CEMIP: variants seen among roughly 807,000 people sequenced by gnomAD.
The protein encoded by CEMIP is cell migration inducing hyaluronidase 1.
CEMIP carries 105 observed loss-of-function variants against 156.9 expected under a neutral mutation model. That is an observed-to-expected ratio of 0.67 (90% CI 0.57 to 0.79). The LOEUF (loss-of-function observed/expected upper bound fraction) is 0.79. Among genes scored for constraint, CEMIP ranks in the 30% least tolerant of loss-of-function variants. The probability of loss-of-function intolerance (pLI) is 0.00; values close to 1 mark genes in which losing one functional copy is unlikely to be tolerated. For synonymous variants in CEMIP, 676 were observed against 668.4 expected (o/e 1.01, Z -0.17); for missense variants, 1,457 against 1,769.4 (o/e 0.82, Z 3.17).
chr15:80,927,487 C>T (rs189186513), intron 19 of CEMIP, among the ~76,000 whole-genome samples: 20 of 152,248 alleles, frequency 1.3e-4, no homozygotes, highest in Admixed American at 3.9e-4. Flanking sequence ...ATCCTAAGTT[C>T]GGTAAATCTC....
At chr15:80,885,850 A>G (rs549058499) in intron 7 of CEMIP, among the ~76,000 whole-genome samples, 2 of 152,340 alleles carry the variant, frequency 1.3e-5, no homozygotes, top group Non-Finnish European at 2.9e-5. Context: ...GAGCCACTGG[A>G]AAGGTGGGCA....
chr15:80,848,195 G>A (rs1897610198), intron 1 of CEMIP, among the ~76,000 whole-genome samples: 1 of 152,186 alleles, frequency 6.6e-6, no homozygotes, highest in African/African-American at 2.4e-5. Flanking sequence ...AAGGGCTGAG[G>A]TAGCGTATTC....
rs1376032460 is a variant in CEMIP, at chr15:80,906,439, T to A, written c.1412-224T>A. Among the ~76,000 whole-genome samples, 1 of 152,246 alleles carries A rather than the reference T, an allele frequency of 6.6e-6. No homozygotes were observed. Among genetic ancestry groups the A allele is most frequent in the Non-Finnish European group, 1.5e-5 (1 of 68,038 alleles). ...ATATTAGGGGACAATTAGCCATTTCTGCCAAAGGCTTCAGACCTAAGCCTG... is the reference window on the plus strand; with the variant it reads ...ATATTAGGGGACAATTAGCCATTTCAGCCAAAGGCTTCAGACCTAAGCCTG... On this transcript the variant is annotated intron_variant, in intron 12 of 29. Coordinates refer to ENST00000394685, the MANE Select transcript of CEMIP (RefSeq NM_001293298.2). This position sits in a 1 kb window ranked among gnomAD's most constrained non-coding sequence, Gnocchi z 4.3.
At chr15:80,794,663 A>G (rs1259173215) in intron 1 of CEMIP, among the ~76,000 whole-genome samples, 1 of 152,228 alleles carries the variant, frequency 6.6e-6, no homozygotes, top group Non-Finnish European at 1.5e-5. Flanking sequence ...AAATCTTCAA[A>G]ATTGGTATGT....
At chr15:80,858,189 A>G (rs1176858832) in intron 1 of CEMIP, among the ~76,000 whole-genome samples, 2 of 152,140 alleles carry the variant, frequency 1.3e-5, no homozygotes, top group East Asian at 3.8e-4. Context: ...GGATTGGGAT[A>G]AGGTGGGGAG....
At position 80,925,590 on chromosome 15, in the gene CEMIP, C is replaced by T. The variant is rs201489588; in HGVS notation, c.2289-34C>T. 4.9e-5 allele frequency: 79 copies of T among 1,607,996 alleles called. No individual in the cohort carries two copies. The African/African-American group carries it at 6.3e-4, about 13-fold the overall frequency. ...GTCAGCAGAGGCGTGCCCCCAACAC[C>T]GCCACCTGTGCCCTCCCCATGGTTG... On this transcript the variant is annotated intron_variant, in intron 18 of 29. Coordinates refer to ENST00000394685, the MANE Select transcript of CEMIP (RefSeq NM_001293298.2).
At chr15:80,830,590 G>A (rs1383609341) in intron 1 of CEMIP, among the ~76,000 whole-genome samples, 1 of 152,212 alleles carries the variant, frequency 6.6e-6, no homozygotes, top group Non-Finnish European at 1.5e-5. Flanking sequence ...GCACCTTGGA[G>A]TTGCCGGGGG....
chr15:80,936,517 C>CTTATTTGGCCTT (rs1456067866), intron 23 of CEMIP, among the ~76,000 whole-genome samples, 157 bp from the exon 24 acceptor site: 1 of 152,192 alleles, frequency 6.6e-6, no homozygotes, highest in Non-Finnish European at 1.5e-5. Flanking sequence ...GAGATGTCCC[C>CTTATTTGGCCTT]TTATTTGGCC....
intron 1 of CEMIP, among the ~76,000 whole-genome samples, chr15:80,860,453 A>G (rs1897958019): frequency 6.6e-6 from 1 of 152,248 alleles, no homozygotes; most frequent in South Asian, 2.1e-4. Flanking sequence ...GCCTGGAGGC[A>G]TCACTCCAAA....
intron 14 of CEMIP, among the ~76,000 whole-genome samples, chr15:80,918,718 C>T (rs144528880): frequency 6.6e-6 from 1 of 152,220 alleles, no homozygotes; most frequent in Non-Finnish European, 1.5e-5. Flanking sequence ...TTTTTCTCAC[C>T]ATTGCCCCAC....
intron 23 of CEMIP, among the ~76,000 whole-genome samples, chr15:80,936,441 T>C (rs1370715243): frequency 6.6e-6 from 1 of 152,222 alleles, no homozygotes; most frequent in Non-Finnish European, 1.5e-5. Flanking sequence ...AGCACTTTTA[T>C]GAAGATGAAC....
intron 1 of CEMIP, among the ~76,000 whole-genome samples, chr15:80,867,195 C>A (rs772842156): frequency 6.6e-6 from 1 of 152,196 alleles, no homozygotes; most frequent in Admixed American, 6.5e-5. Flanking sequence ...AGAATCAGAC[C>A]CTGCCCCAGA....
chr15:80,874,108 C>T, intron 3 of CEMIP, 135 bp downstream of exon 3: 1 of 768,394 alleles, frequency 1.3e-6, no homozygotes, highest in Non-Finnish European at 2.2e-6. Context: ...CTTGGCCCGA[C>T]CTTACTAAAC....
intron 3 of CEMIP, among the ~76,000 whole-genome samples, chr15:80,875,286 C>T (rs1225709436): frequency 6.6e-6 from 1 of 152,210 alleles, no homozygotes; most frequent in Non-Finnish European, 1.5e-5. Context: ...CCTTCAGCCT[C>T]GGTCTCCCAA....
At chr15:80,821,132 T>C (rs909810026) in intron 1 of CEMIP, among the ~76,000 whole-genome samples, 1 of 152,200 alleles carries the variant, frequency 6.6e-6, no homozygotes, top group Non-Finnish European at 1.5e-5. Flanking sequence ...GCTGGCCCCT[T>C]GGAGCACATA....
At chr15:80,944,900 A>C (rs2141752384) in intron 28 of CEMIP, among the ~76,000 whole-genome samples, 1 of 152,256 alleles carries the variant, frequency 6.6e-6, no homozygotes, top group Non-Finnish European at 1.5e-5. Context: ...TCTCTGGGGG[A>C]AGCCCTTACT....
At chr15:80,867,908 G>A (rs1310629750) in intron 1 of CEMIP, among the ~76,000 whole-genome samples, 7 of 152,194 alleles carry the variant, frequency 4.6e-5, no homozygotes. Flanking sequence ...ACCTGACCCA[G>A]GAGAGGAGGA....
intron 1 of CEMIP, among the ~76,000 whole-genome samples, chr15:80,860,622 G>A (rs1308209161): frequency 6.6e-6 from 1 of 152,170 alleles, no homozygotes; most frequent in Non-Finnish European, 1.5e-5. Flanking sequence ...ATGCAGCACT[G>A]AGCTGAGTGG....
chr15:80,809,776 A>G (rs1479516702), intron 1 of CEMIP, among the ~76,000 whole-genome samples: 1 of 152,166 alleles, frequency 6.6e-6, no homozygotes, highest in African/African-American at 2.4e-5. Context: ...GTTTGTTGTT[A>G]GCTGGGGGCT....
Sources: gnomAD v4.1 joint callset for allele counts (sites outside exome capture counted in the v4.1 genomes callset) on GRCh38, gnomAD v4.1.1 for gene constraint, Gnocchi (gnomAD v3.1) non-coding constraint, MANE v1.5 for transcripts, NCBI Gene and HGNC (gene_info 2026-07-23, HGNC 2026-07-21) for gene names.